The following ANO3 variants were observed in gnomAD, a reference collection of about 807,000 sequenced individuals.
ANO3 encodes the protein anoctamin-3.
A neutral mutation model predicts 144.8 loss-of-function variants in ANO3; 99 were observed. The ratio of observed to expected loss-of-function variants is 0.68; its 90% confidence interval spans 0.58 to 0.81. The LOEUF is 0.81. ANO3 is among the 30% of genes least tolerant of loss of function. The pLI is 0.00. For synonymous variants in ANO3, 414 were observed against 392.6 expected (o/e 1.05, Z -0.64); for missense variants, 905 against 1,202.2 (o/e 0.75, Z 3.66).
intron 1 of ANO3, among the ~76,000 whole-genome samples, chr11:26,371,862 T>C (rs1856269582): frequency 6.6e-6 from 1 of 152,210 alleles, no homozygotes; most frequent in South Asian, 2.1e-4. Flanking sequence ...GGAACTAATG[T>C]GTTATTTATT....
intron 3 of ANO3, among the ~76,000 whole-genome samples, chr11:26,451,954 G>A (rs1275308542): frequency 1.1e-4 from 16 of 152,066 alleles, no homozygotes; most frequent in East Asian, 1.9e-4. Flanking sequence ...TGCAGACACC[G>A]CTGCTGATAC....
intron 3 of ANO3, among the ~76,000 whole-genome samples, chr11:26,459,183 T>C (rs929907211): frequency 6.6e-6 from 1 of 152,076 alleles, no homozygotes; most frequent in Non-Finnish European, 1.5e-5. Flanking sequence ...GGACAGGGAA[T>C]GATAGTAAGG....
intron 14 of ANO3, among the ~76,000 whole-genome samples, chr11:26,573,970 C>T (rs1850922103): frequency 6.6e-6 from 1 of 152,192 alleles, no homozygotes; most frequent in Non-Finnish European, 1.5e-5. Flanking sequence ...AAACAAGTTT[C>T]ACTGAGATAC....
intron 1 of ANO3, among the ~76,000 whole-genome samples, chr11:26,279,680 G>A (rs72874951): frequency 0.087 from 13,304 of 152,214 alleles, 783 homozygotes; most frequent in Non-Finnish European, 0.13. Context: ...GGACTTGCAA[G>A]TGGGGTCTCC....
At chr11:26,381,569 TAA>T (rs1421881918) in intron 1 of ANO3, among the ~76,000 whole-genome samples, 19 of 152,328 alleles carry the variant, frequency 1.2e-4, no homozygotes, top group Admixed American at 2.6e-4. Flanking sequence ...CATTTGAATG[TAA>T]ATACCAGTCT....
rs536030268 is a variant in ANO3, at chr11:26,611,850, CATT to C, written c.1836+12139_1836+12141del. ...CCTCTTGTTGAATGGATCCCTTTAT[CATT>C]ATATAATTTTTTTTTGTCTTTTTAC... is the stretch of plus-strand genomic sequence containing the variant. On this transcript the variant is annotated intron_variant, in intron 17 of 26. Transcript: ENST00000256737. Among the ~76,000 whole-genome samples, 654 of 128,814 alleles carry C rather than the reference CATT, an allele frequency of 5.1e-3. 7 individuals carry two copies. The highest frequency in any genetic ancestry group is 0.017 in the African/African-American group (616 of 37,036). 84.5% of individuals were successfully genotyped at this position (128,814 alleles called of 152,430 possible).
intron 1 of ANO3, among the ~76,000 whole-genome samples, chr11:26,261,728 G>A (rs1049602458): frequency 6.6e-6 from 1 of 152,164 alleles, no homozygotes; most frequent in African/African-American, 2.4e-5. Context: ...AATAGACTTT[G>A]CCAATTTGAA....
intron 1 of ANO3, among the ~76,000 whole-genome samples, chr11:26,389,444 GAATA>G (rs1376119516): frequency 6.6e-6 from 1 of 151,806 alleles, no homozygotes; most frequent in African/African-American, 2.4e-5. Flanking sequence ...ATGAAAGAAT[GAATA>G]AATAAATGAA....
intron 1 of ANO3, among the ~76,000 whole-genome samples, chr11:26,404,493 A>G (rs1857226339): frequency 6.6e-6 from 1 of 151,802 alleles, no homozygotes; most frequent in South Asian, 2.1e-4. Context: ...AGAGGAAAAA[A>G]TATTCTAGTG....
chr11:26,208,451 TG>T (rs969350815), intron 1 of ANO3: 99 of 150,480 alleles, frequency 6.6e-4, no homozygotes, highest in African/African-American at 2.3e-3. Flanking sequence ...AGGCGGGGCT[TG>T]CAGTGAGCCA....
chr11:26,454,913 T>G, intron 3 of ANO3, among the ~76,000 whole-genome samples: 1 of 145,950 alleles, frequency 6.9e-6, no homozygotes, highest in African/African-American at 2.5e-5. Context: ...GCAAGGCTGG[T>G]TCAATATACG....
chr11:26,411,146 T>G (rs935493339), intron 1 of ANO3, among the ~76,000 whole-genome samples: 3 of 152,042 alleles, frequency 2.0e-5, no homozygotes, highest in Non-Finnish European at 2.9e-5. Context: ...AAATCTTTCA[T>G]TATTTTATCT....
At chr11:26,487,725 T>C (rs1024119961) in intron 4 of ANO3, among the ~76,000 whole-genome samples, 3 of 152,216 alleles carry the variant, frequency 2.0e-5, no homozygotes, top group Admixed American at 6.5e-5. Flanking sequence ...TGACTCCTGT[T>C]ACGTCACCAA....
intron 14 of ANO3, among the ~76,000 whole-genome samples, chr11:26,593,925 TA>T (rs1327978086): frequency 1.3e-5 from 2 of 152,148 alleles, no homozygotes; most frequent in East Asian, 3.9e-4. Flanking sequence ...GTTACCAAGT[TA>T]AATAGGGTTT....
intron 4 of ANO3, among the ~76,000 whole-genome samples, chr11:26,465,817 T>A (rs888067582): frequency 6.6e-6 from 1 of 152,018 alleles, no homozygotes; most frequent in East Asian, 1.9e-4. Flanking sequence ...ATTTTCTGAG[T>A]TGAGTTGGGG....
chr11:26,214,424 C>T (rs1851997176), intron 1 of ANO3, among the ~76,000 whole-genome samples: 1 of 151,682 alleles, frequency 6.6e-6, no homozygotes. Flanking sequence ...CAAAAATTGT[C>T]CACATTTTAA....
intron 3 of ANO3, among the ~76,000 whole-genome samples, chr11:26,452,629 G>A (rs531240354): frequency 4.6e-5 from 7 of 152,326 alleles, no homozygotes; most frequent in African/African-American, 1.2e-4. Flanking sequence ...GTGACGGGGA[G>A]AATGGAACCA....
Position 26,416,663 on chromosome 11 carries a change from G to A in ANO3, c.47-25255G>A, listed in dbSNP as rs184000521. Among the ~76,000 whole-genome samples, 5 of 152,110 alleles carry A rather than the reference G, an allele frequency of 3.3e-5. No individual in the cohort carries two copies. In the East Asian group the frequency reaches 9.7e-4, roughly 30 times the overall value. ...GATGGTCTCGATCTCCTGACCTGGT[G>A]ATCCACCCACCTCGGCCTCCCAATA... On this transcript the variant is annotated intron_variant, in intron 1 of 26. Coordinates refer to ENST00000256737, the MANE Select transcript of ANO3 (RefSeq NM_031418.4).
At chr11:26,549,932 C>A (rs1310272412) in intron 12 of ANO3, among the ~76,000 whole-genome samples, 3 of 151,834 alleles carry the variant, frequency 2.0e-5, no homozygotes, top group Non-Finnish European at 2.9e-5. Flanking sequence ...TTTCCAAGCC[C>A]TCTCTTGACA....
Sources: allele counts gnomAD v4.1 joint callset (sites outside exome capture counted in the v4.1 genomes callset), GRCh38; gene constraint gnomAD v4.1.1; transcripts MANE v1.5; gene names NCBI Gene and HGNC (gene_info 2026-07-23, HGNC 2026-07-21).